SELENOI: variants seen among roughly 807,000 people sequenced by gnomAD.
SELENOI encodes the protein selenoprotein I, also known as ethanolaminephosphotransferase 1.
A neutral mutation model predicts 50.7 loss-of-function variants in SELENOI; 24 were observed. The ratio of observed to expected loss-of-function variants is 0.47; its 90% CI spans 0.34 to 0.67. The LOEUF (loss-of-function observed/expected upper bound fraction) is 0.67, where lower values mean the gene tolerates loss of function less well. SELENOI is among the 30% of genes least tolerant of loss of function. SELENOI has a pLI of 0.01. For synonymous variants in SELENOI, 155 were observed against 170.2 expected (o/e 0.91, Z 0.70); for missense variants, 352 against 461.4 (o/e 0.76, Z 2.17).
intron 6 of SELENOI, among the ~76,000 whole-genome samples, chr2:26,381,741 G>A (rs1223887122): frequency 6.6e-6 from 1 of 152,086 alleles, no homozygotes; most frequent in Non-Finnish European, 1.5e-5. Context: ...CGTCTAATTT[G>A]GGGAACTTTG....
At chr2:26,346,380 G>A in intron 1 of SELENOI, 91 bp downstream of exon 1, 8 of 1,407,092 alleles carry the variant, frequency 5.7e-6, no homozygotes, top group Non-Finnish European at 7.4e-6. Flanking sequence ...GTCACCTTGT[G>A]CCGCGTGGCT....
chr2:26,392,586 T>C lies in SELENOI; in HGVS notation c.*3483T>C, dbSNP rs189763974. ...CAGGTCTTGCCTTGTTGCCCCTAGA[T>C]GTTGCCACATTCACATCTCCTTGAT... On this transcript the variant is annotated 3_prime_UTR_variant, in exon 10 of 10. Coordinates refer to ENST00000260585, the MANE Select transcript of SELENOI (RefSeq NM_033505.4). The C allele has an allele frequency of 2.0e-5, 3 of 152,346 alleles. No individual in the cohort carries two copies. The East Asian group carries it at 5.8e-4, about 29-fold the overall frequency. The allele number at this position is 152,346 out of a possible 1,614,324, so 9.4% of individuals were successfully genotyped here.
At chr2:26,363,215 G>C (rs1677218975) in intron 1 of SELENOI, among the ~76,000 whole-genome samples, 1 of 152,112 alleles carries the variant, frequency 6.6e-6, no homozygotes, top group Admixed American at 6.5e-5. Context: ...CTTACTGTAG[G>C]TCAGTTCTGA....
chr2:26,348,239 T>C (rs886324368), intron 1 of SELENOI, among the ~76,000 whole-genome samples: 13 of 152,256 alleles, frequency 8.5e-5, no homozygotes, highest in African/African-American at 3.1e-4. Flanking sequence ...TAAATGCTTA[T>C]TTTAAAAAGT....
Position 26,386,353 on chromosome 2 carries a change from G to C in SELENOI, c.913-1G>C. 2 of 1,607,586 alleles carry C rather than the reference G, an allele frequency of 1.2e-6. No individual in the cohort carries two copies. Among genetic ancestry groups the C allele is most frequent in the Non-Finnish European group, 1.7e-6 (2 of 1,178,096 alleles). ...TCTTATTTTTTTAAATTGACGTCCAGTGTCAGCTGATTGTTTGCCAAATGA... is the reference window on the plus strand; with the variant it reads ...TCTTATTTTTTTAAATTGACGTCCACTGTCAGCTGATTGTTTGCCAAATGA... On this transcript the variant is annotated splice_acceptor_variant, in intron 8 of 9. Transcript: ENST00000260585. LOFTEE classifies it high-confidence loss of function.
At position 26,390,158 on chromosome 2, in the gene SELENOI, T is replaced by A. The variant is rs1407841990; in HGVS notation, c.*1055T>A. The A allele has an allele frequency of 1.3e-5, 2 of 150,978 alleles. No individual in the cohort carries two copies. The highest frequency in any genetic ancestry group is 4.9e-5 in the African/African-American group (2 of 40,772). 9.4% of individuals were successfully genotyped at this position (150,978 alleles called of 1,614,324 possible). On this transcript the variant is annotated 3_prime_UTR_variant, in exon 10 of 10. Transcript: ENST00000260585. ...GAAGAAAACTTTTGATATATATGCC[T>A]TACTGAGTACATGCCCCCTTTAATG...
chr2:26,376,927 T>C (rs1432459918), intron 6 of SELENOI, among the ~76,000 whole-genome samples: 1 of 152,248 alleles, frequency 6.6e-6, no homozygotes, highest in East Asian at 1.9e-4. Flanking sequence ...CTCTTGTTGC[T>C]TTCAAGGTTC....
chr2:26,385,247 AT>A, intron 8 of SELENOI, 108 bp downstream of exon 8: 1 of 681,026 alleles, frequency 1.5e-6, no homozygotes, highest in Non-Finnish European at 2.1e-6. Flanking sequence ...TAACTTAAAG[AT>A]TTTTATTTCA....
intron 1 of SELENOI, 52 bp downstream of exon 1, chr2:26,346,341 G>A: frequency 6.4e-7 from 1 of 1,566,210 alleles, no homozygotes; most frequent in South Asian, 1.2e-5. Context: ...TCGCCCAGGC[G>A]GCTGAGGGGC....
chr2:26,362,230 C>T (rs1410607793), intron 1 of SELENOI, among the ~76,000 whole-genome samples: 3 of 151,896 alleles, frequency 2.0e-5, no homozygotes, highest in Non-Finnish European at 2.9e-5. Context: ...CCACCGTGCC[C>T]GGCTAATTTT....
In SELENOI at chr2:26,364,846, G is replaced by T; in HGVS notation, c.141G>T (p.Trp47Cys). ...TGCAAAAATAGGTATTTCCTACTTG[G>T]CTGGCGCCCAATCTGATAACTTTTT... ...WNTIVKVFPT[W>C]LAPNLITFSG... Residue 47 changes from tryptophan (W) to cysteine (C), a missense_variant, in exon 3 of 10, where the codon TGG becomes TGT. By Grantham distance (215) the Trp-to-Cys change is radical (BLOSUM62 -2). Coordinates refer to ENST00000260585, the MANE Select transcript of SELENOI (RefSeq NM_033505.4). 1 of 1,606,186 alleles carries T rather than the reference G, an allele frequency of 6.2e-7. No homozygotes were observed. Among genetic ancestry groups the T allele is most frequent in the Non-Finnish European group, 8.5e-7 (1 of 1,177,160 alleles).
intron 7 of SELENOI, 49 bp from the exon 8 acceptor site, chr2:26,384,910 C>A: frequency 7.3e-7 from 1 of 1,364,798 alleles, no homozygotes; most frequent in Non-Finnish European, 1.0e-6. Flanking sequence ...AAGTACTGTA[C>A]AATTTATATG....
chr2:26,363,177 A>T (rs1487079908), intron 1 of SELENOI, among the ~76,000 whole-genome samples: 1 of 152,196 alleles, frequency 6.6e-6, no homozygotes, highest in Non-Finnish European at 1.5e-5. Context: ...AAACATATGT[A>T]ATTATAATAG....
intron 3 of SELENOI, among the ~76,000 whole-genome samples, chr2:26,366,772 G>A (rs533450812): frequency 6.6e-6 from 1 of 152,272 alleles, no homozygotes; most frequent in South Asian, 2.1e-4. Flanking sequence ...ATAAGGTGAA[G>A]GCTCAATACA....
chr2:26,366,718 A>C (rs980702741), intron 3 of SELENOI, among the ~76,000 whole-genome samples: 2 of 152,248 alleles, frequency 1.3e-5, no homozygotes, highest in African/African-American at 4.8e-5. Flanking sequence ...TCTATACCCA[A>C]ATCAAAAGGT....
chr2:26,385,395 C>T (rs990960103), intron 8 of SELENOI, among the ~76,000 whole-genome samples: 6 of 152,062 alleles, frequency 3.9e-5, no homozygotes, highest in East Asian at 3.9e-4. Flanking sequence ...TTTGGTTGCC[C>T]GCTGAAGAAT....
rs370317134 is a variant in SELENOI at position 26,389,155 on chromosome 2, T to A, written c.*52T>A. ...ACTGTAAATAAATGCTTGTAAATAT[T>A]TCCTCCATCACCATTGAACTAGACT... On this transcript the variant is annotated 3_prime_UTR_variant, in exon 10 of 10. Coordinates refer to ENST00000260585, the MANE Select transcript of SELENOI (RefSeq NM_033505.4). 55 of 1,355,870 alleles carry A rather than the reference T, an allele frequency of 4.1e-5. No individual in the cohort carries two copies. In the African/African-American group the frequency reaches 6.5e-4, roughly 16 times the overall value. The allele number at this position is 1,355,870 out of a possible 1,614,324, so 84.0% of individuals were successfully genotyped here.
intron 5 of SELENOI, among the ~76,000 whole-genome samples, chr2:26,374,495 C>G (rs1290084423): frequency 6.6e-6 from 1 of 151,930 alleles, no homozygotes; most frequent in African/African-American, 2.4e-5. Context: ...TTAAAGTGCT[C>G]CAAATGATGG....
chr2:26,367,634 A>G (rs1677313871), intron 4 of SELENOI, among the ~76,000 whole-genome samples: 1 of 152,188 alleles, frequency 6.6e-6, no homozygotes, highest in Admixed American at 6.5e-5. Flanking sequence ...ATATTTACCA[A>G]CCTCTGGAAT....
Sources: allele counts gnomAD v4.1 joint callset (sites outside exome capture counted in the v4.1 genomes callset), GRCh38; gene constraint gnomAD v4.1.1; transcripts MANE v1.5; gene names NCBI Gene and HGNC (gene_info 2026-07-23, HGNC 2026-07-21).